CEACAM1: variants seen among roughly 807,000 people sequenced by gnomAD.
The protein encoded by CEACAM1 is CEA cell adhesion molecule 1, also known as cell adhesion molecule CEACAM1.
In CEACAM1, 31 loss-of-function variants were observed where a neutral mutation model predicts 49.1. The observed-to-expected ratio is 0.63, with a 90% CI of 0.47 to 0.85. The LOEUF (loss-of-function observed/expected upper bound fraction) is 0.85, where lower values mean the gene tolerates loss of function less well. CEACAM1 is among the 40% of genes least tolerant of loss of function. The pLI, the probability that CEACAM1 is intolerant of heterozygous loss-of-function variation, is 0.00. For synonymous variants in CEACAM1, 244 were observed against 247.8 expected, an observed-to-expected ratio of 0.98 and a Z score of 0.14; for missense variants, 570 against 645.3, an observed-to-expected ratio of 0.88 and a Z score of 1.26.
chr19:42,518,852 A>G, intron 5 of CEACAM1, 96 bp downstream of exon 5: 1 of 1,377,322 alleles, frequency 7.3e-7, no homozygotes, highest in Non-Finnish European at 1.0e-6. Flanking sequence ...TGGTCTCTTC[A>G]TTGATATTCT....
intron 3 of CEACAM1, 107 bp downstream of exon 3, chr19:42,521,817 G>T (rs2041756628): frequency 1.3e-6 from 2 of 1,593,512 alleles, no homozygotes; most frequent in East Asian, 2.2e-5. Flanking sequence ...GGGTGTCCAG[G>T]GTTAAGGGTC....
chr19:42,511,633 A>G lies in CEACAM1; in HGVS notation c.1377-5T>C. On this transcript the variant is annotated splice_region_variant and splice_polypyrimidine_tract_variant and intron_variant, in intron 6 of 8. Coordinates refer to ENST00000161559, the MANE Select transcript of CEACAM1 (RefSeq NM_001712.5). ...AGATCACGCTGGTCGCTTGCCCTAAATAAATATCAGAAACTGTGACTGCTA... is the reference window on the plus strand; with the variant it reads ...AGATCACGCTGGTCGCTTGCCCTAAGTAAATATCAGAAACTGTGACTGCTA... 1 of 1,613,842 alleles carries G rather than the reference A, an allele frequency of 6.2e-7. No homozygotes were observed. The highest frequency in any genetic ancestry group is 8.5e-7 in the Non-Finnish European group (1 of 1,179,830).
Position 42,527,387 on chromosome 19 carries a change from G to A in CEACAM1, c.78C>T (p.Thr26=). 6.2e-7 allele frequency: 1 copy of A among 1,601,880 alleles called. No individual in the cohort carries two copies. Among genetic ancestry groups the A allele is most frequent in the African/African-American group, 1.3e-5 (1 of 74,776 alleles). Residue 26 remains threonine, a synonymous_variant, in exon 2 of 9, where the codon ACC becomes ACT. Coordinates refer to ENST00000161559, the MANE Select transcript of CEACAM1 (RefSeq NM_001712.5). ...GGGCAGTGGTGGGCGGGTTCCAGAA[G>A]GTTAGAAGTGAGGCTAGGAGAGAGG... ...QGLLLTASLL[T]FWNPPTTAQL...
Position 42,510,902 on chromosome 19 carries a change from T to A in CEACAM1, c.1448A>T (p.Asp483Val). Reference sequence around the variant, plus strand: ...GGCTATGCTTACCTTGTTAGGTGGGTCATTGGAGTGGTCCTGAGCTGGAGA... The same window carrying A: ...GGCTATGCTTACCTTGTTAGGTGGGACATTGGAGTGGTCCTGAGCTGGAGA... ...VSNHTQDHSNDPPNKMNEVTY... is the reference protein window; with the variant it reads ...VSNHTQDHSNVPPNKMNEVTY... Residue 483 changes from aspartate to valine, a missense_variant, in exon 8 of 9, where the codon GAC becomes GTC. Coordinates refer to ENST00000161559, the MANE Select transcript of CEACAM1 (RefSeq NM_001712.5). 1 of 1,613,978 alleles carries A rather than the reference T, an allele frequency of 6.2e-7. No homozygotes were observed. Among genetic ancestry groups the A allele is most frequent in the Non-Finnish European group, 8.5e-7 (1 of 1,179,880 alleles).
chr19:42,527,539 G>GTGTGTA (rs1600248705), intron 1 of CEACAM1, 139 bp from the exon 2 acceptor site: 2 of 1,226,802 alleles, frequency 1.6e-6, no homozygotes, highest in East Asian at 4.7e-5. Flanking sequence ...GTGTGTGTGT[G>GTGTGTA]TGTGTGTGTC....
rs2041438738 is a variant in CEACAM1, at chr19:42,510,814, G to A, written c.1461+75C>T. ...TAACCCAAACTTGATGTTACATTGT[G>A]TCTTCATGAATAATCAATTCTACAC... On this transcript the variant is annotated intron_variant, in intron 8 of 8. Transcript: ENST00000161559. 7.4e-6 allele frequency: 10 copies of A among 1,357,176 alleles called. No individual in the cohort carries two copies. In the South Asian group the frequency reaches 1.0e-4, roughly 14 times the overall value. The allele number at this position is 1,357,176 out of a possible 1,614,324, so 84.1% of individuals were successfully genotyped here. A position where few individuals can be genotyped will look rare whatever the true frequency, so the allele number is the denominator to read the frequency against.
chr19:42,512,276 A>C, intron 6 of CEACAM1, 74 bp downstream of exon 6: 1 of 1,576,560 alleles, frequency 6.3e-7, no homozygotes, highest in Non-Finnish European at 8.7e-7. Context: ...AGAGACAGGC[A>C]AAGAATTCTT....
chr19:42,525,733 T>A (rs2041874838), intron 2 of CEACAM1: 1 of 152,164 alleles, frequency 6.6e-6, no homozygotes, highest in Admixed American at 6.5e-5. Flanking sequence ...AGGTTAAGAC[T>A]GTGGCTGAAG....
intron 7 of CEACAM1, chr19:42,511,185 C>T: frequency 1.7e-6 from 1 of 581,944 alleles, no homozygotes; most frequent in East Asian, 2.8e-5. Context: ...TTCTCAGCAA[C>T]ATGCTCCAGT....
Position 42,527,176 on chromosome 19 carries a change from C to T in CEACAM1, c.289G>A (p.Gly97Ser), listed in dbSNP as rs145087706. Residue 97 changes from glycine to serine, a missense_variant, in exon 2 of 9, where the codon GGT becomes AGT. Gly to Ser is a moderately conservative substitution (Grantham distance 56). Transcript: ENST00000161559. ...QQATPGPANS[G>S]RETIYPNASL... ...GCATTGGGGTATATTGTCTCTCGAC[C>T]GCTGTTTGCGGGCCCTGGGGTAGCT... The T allele has an allele frequency of 1.3e-5, 21 of 1,614,018 alleles. No individual in the cohort carries two copies. The highest frequency in any genetic ancestry group is 1.4e-5 in the Non-Finnish European group (17 of 1,180,040).
chr19:42,508,530 C>G lies in CEACAM1; in HGVS notation c.*579G>C, dbSNP rs2147761196. 1 of 152,910 alleles carries G rather than the reference C, an allele frequency of 6.5e-6. No individual in the cohort carries two copies. Among genetic ancestry groups the G allele is most frequent in the Non-Finnish European group, 1.5e-5 (1 of 68,486 alleles). 9.5% of individuals were successfully genotyped at this position (152,910 alleles called of 1,614,324 possible). A position where few individuals can be genotyped will look rare whatever the true frequency, so the allele number is the denominator to read the frequency against. On this transcript the variant is annotated 3_prime_UTR_variant, in exon 9 of 9. Transcript: ENST00000161559. Reference sequence around the variant, plus strand: ...TAGCTAAGCACCAAGGTGCTTAGACCCTGATCCTACAGGTAGACAACCCTG... The same window carrying G: ...TAGCTAAGCACCAAGGTGCTTAGACGCTGATCCTACAGGTAGACAACCCTG...
At chr19:42,511,252 T>A in intron 7 of CEACAM1, 1 of 565,854 alleles carries the variant, frequency 1.8e-6, no homozygotes, top group Non-Finnish European at 3.2e-6. Flanking sequence ...ATAAGGAAAG[T>A]CTCACCAAGG....
intron 5 of CEACAM1, 196 bp downstream of exon 5, chr19:42,518,752 G>A (rs1308918942): frequency 1.4e-5 from 9 of 633,886 alleles, no homozygotes; most frequent in Admixed American, 8.6e-5. Flanking sequence ...CGCCCGCCTT[G>A]GCCTCCCAAA....
At chr19:42,515,297 C>A (rs1165928062) in intron 5 of CEACAM1, among the ~76,000 whole-genome samples, 1 of 152,108 alleles carries the variant, frequency 6.6e-6, no homozygotes, top group African/African-American at 2.4e-5. Flanking sequence ...CCGTGCAATA[C>A]TATGGAGCAG....
At chr19:42,513,915 T>TATATATATAAATAA (rs1432939598) in intron 5 of CEACAM1, among the ~76,000 whole-genome samples, 26 of 129,802 alleles carry the variant, frequency 2.0e-4, no homozygotes, top group African/African-American at 9.6e-4. Context: ...TATATATATA[T>TATATATATAAATAA]ATAATATATA....
rs1439289631 is a variant in CEACAM1, at chr19:42,527,252, TTC to T, written c.211_212del (p.Glu71LysfsTer45). 1 of 1,614,096 alleles carries T rather than the reference TTC, an allele frequency of 6.2e-7. No individual in the cohort carries two copies. Among genetic ancestry groups the T allele is most frequent in the Non-Finnish European group, 8.5e-7 (1 of 1,179,972 alleles). On this transcript the variant is annotated frameshift_variant, in exon 2 of 9. Transcript: ENST00000161559. LOFTEE classifies it high-confidence loss of function. Reference sequence around the variant, plus strand: ...CAATTTGACGGTTGCCATCCACTCTTTCCCCTTTGTACCAGCTGTAGCCAAAA... The same window carrying T: ...CAATTTGACGGTTGCCATCCACTCTTCCCTTTGTACCAGCTGTAGCCAAAA... ...QLFGYSWYKG[E>X]RVDGNRQIVG...
chr19:42,514,193 G>A (rs2041541775), intron 5 of CEACAM1, among the ~76,000 whole-genome samples: 1 of 149,502 alleles, frequency 6.7e-6, no homozygotes, highest in African/African-American at 2.5e-5. Flanking sequence ...GTGCAATGGC[G>A]TGATCTCGGC....
rs765768246 is a variant in CEACAM1 at position 42,511,614 on chromosome 19, C to G, written c.1391G>C (p.Arg464Pro). ...FGKTGRASDQ[R>P]DLTEHKPSVS... Reference sequence around the variant, plus strand: ...TGAGGGTTTGTGCTCTGTGAGATCACGCTGGTCGCTTGCCCTAAATAAATA... The same window carrying G: ...TGAGGGTTTGTGCTCTGTGAGATCAGGCTGGTCGCTTGCCCTAAATAAATA... The change falls in exon 7 of 9, where the codon CGT becomes CCT. Residue 464 changes from arginine to proline, a missense_variant. By Grantham distance (103) the Arg-to-Pro change is moderately radical. Transcript: ENST00000161559. The G allele has an allele frequency of 6.2e-7, 1 of 1,613,940 alleles. No individual in the cohort carries two copies. The highest frequency in any genetic ancestry group is 2.2e-5 in the East Asian group (1 of 44,878).
Position 42,519,074 on chromosome 19 carries a change from G to C in CEACAM1, c.1120C>G (p.Leu374Val). The C allele has an allele frequency of 6.2e-7, 1 of 1,614,198 alleles. No individual in the cohort carries two copies. The highest frequency in any genetic ancestry group is 8.5e-7 in the Non-Finnish European group (1 of 1,180,038). The change falls in exon 5 of 9, where the codon CTG (leucine) becomes GTG (valine). Residue 374 changes from leucine (L) to valine (V), a missense_variant. Transcript: ENST00000161559. ...QSLPSSERMK[L>V]SQGNTTLSIN... The stretch of plus-strand genomic sequence containing the variant: ...CTGAGGGTGGTGTTGCCCTGGGACA[G>C]CTTCATCCTCTCCGAGGACGGGAGA...
Sources: allele counts gnomAD v4.1 joint callset (sites outside exome capture counted in the v4.1 genomes callset), GRCh38; gene constraint gnomAD v4.1.1; transcripts MANE v1.5; gene names NCBI Gene and HGNC (gene_info 2026-07-23, HGNC 2026-07-21).